Variants in ITGA1 observed in about 807,000 individuals in gnomAD.
ITGA1 encodes integrin alpha-1.
ITGA1 carries 85 observed loss-of-function variants against 145.9 expected under a neutral mutation model. The observed-to-expected ratio is 0.58, with a 90% CI of 0.49 to 0.70. The LOEUF is 0.70. ITGA1 is among the 30% of genes least tolerant of loss of function. The probability of loss-of-function intolerance (pLI) is 0.00; values close to 1 mark genes in which losing one functional copy is unlikely to be tolerated. For missense variants in ITGA1, 1,351 were observed against 1,418.7 expected (o/e 0.95, Z 0.77); for synonymous variants, 520 against 495.3 (o/e 1.05, Z -0.66).
intron 9 of ITGA1, among the ~76,000 whole-genome samples, chr5:52,894,575 C>A (rs1257654923): frequency 1.3e-5 from 2 of 152,094 alleles, no homozygotes; most frequent in Non-Finnish European, 2.9e-5. Context: ...AAGCTTCTTT[C>A]TTCACATTCT....
chr5:52,822,657 C>A (rs1191011396), intron 1 of ITGA1, among the ~76,000 whole-genome samples: 1 of 152,224 alleles, frequency 6.6e-6, no homozygotes, highest in Admixed American at 6.5e-5. Context: ...GTAGCCTCTA[C>A]CCTTGACACT....
At chr5:52,929,734 G>T (rs1016023729) in intron 21 of ITGA1, 33 bp downstream of exon 21, 2 of 1,122,344 alleles carry the variant, frequency 1.8e-6, no homozygotes, top group South Asian at 1.3e-5. Context: ...GTATGTATAT[G>T]AATGTATATT....
At chr5:52,823,742 A>G (rs1410375628) in intron 1 of ITGA1, among the ~76,000 whole-genome samples, 1 of 152,236 alleles carries the variant, frequency 6.6e-6, no homozygotes, top group African/African-American at 2.4e-5. Flanking sequence ...AGAGAGTGCT[A>G]AAATACAGAC....
chr5:52,946,695 G>C (rs1751140103), intron 27 of ITGA1, among the ~76,000 whole-genome samples: 1 of 152,124 alleles, frequency 6.6e-6, no homozygotes, highest in Admixed American at 6.5e-5. Flanking sequence ...CACCCTGAGA[G>C]AGCTTGAGTA....
chr5:52,918,895 G>A lies in ITGA1; in HGVS notation c.2152G>A (p.Ala718Thr), dbSNP rs1266565899. The A allele has an allele frequency of 4.4e-6, 7 of 1,589,190 alleles. No homozygotes were observed. In the South Asian group the frequency reaches 8.2e-5, roughly 19 times the overall value. ...LKSKEDTIYE[A>T]DLQYRVTLDS... Reference sequence around the variant, plus strand: ...GTCTAAAGAAGACACGATTTATGAAGCTGGTAAGCAAAATAATTATAGCAA... The same window carrying A: ...GTCTAAAGAAGACACGATTTATGAAACTGGTAAGCAAAATAATTATAGCAA... The change falls in exon 16 of 29, where the codon GCT becomes ACT. Residue 718 changes from alanine (A) to threonine (T), a missense_variant. Coordinates refer to ENST00000282588, the MANE Select transcript of ITGA1 (RefSeq NM_181501.2).
At chr5:52,951,780 A>C (rs1414722028) in intron 28 of ITGA1, among the ~76,000 whole-genome samples, 2 of 152,206 alleles carry the variant, frequency 1.3e-5, no homozygotes, top group Admixed American at 1.3e-4. Context: ...AAGAAGAGAC[A>C]ATGCTAGCTA....
At chr5:52,883,408 A>T (rs911841152) in intron 7 of ITGA1, among the ~76,000 whole-genome samples, 1 of 152,210 alleles carries the variant, frequency 6.6e-6, no homozygotes, top group Non-Finnish European at 1.5e-5. Context: ...TCTGTGTTTC[A>T]CAAAGGGTAT....
chr5:52,895,651 A>G (rs1218332147), intron 9 of ITGA1, among the ~76,000 whole-genome samples: 1 of 152,108 alleles, frequency 6.6e-6, no homozygotes, highest in Non-Finnish European at 1.5e-5. Flanking sequence ...GGGGAGGGGG[A>G]GATCAATTGC....
chr5:52,930,740 A>G (rs1750882936), intron 21 of ITGA1, among the ~76,000 whole-genome samples: 1 of 152,182 alleles, frequency 6.6e-6, no homozygotes. Context: ...TAGCTTGATT[A>G]AAAAGGTTAT....
chr5:52,856,318 T>C (rs1306183066), intron 2 of ITGA1, among the ~76,000 whole-genome samples: 1 of 152,192 alleles, frequency 6.6e-6, no homozygotes, highest in Non-Finnish European at 1.5e-5. Flanking sequence ...CCTATTAGCA[T>C]GCTGTACAAG....
chr5:52,845,031 A>G (rs1464034231), intron 1 of ITGA1, among the ~76,000 whole-genome samples: 1 of 152,230 alleles, frequency 6.6e-6, no homozygotes, highest in Non-Finnish European at 1.5e-5. Context: ...TCTGATTTAC[A>G]ATCATTTTGG....
intron 1 of ITGA1, among the ~76,000 whole-genome samples, chr5:52,831,621 C>T (rs1561221321): frequency 6.8e-6 from 1 of 146,732 alleles, no homozygotes. Context: ...AGAATTTTTT[C>T]TTTTTTTTTT....
chr5:52,828,170 G>A (rs1240860699), intron 1 of ITGA1, among the ~76,000 whole-genome samples: 1 of 152,132 alleles, frequency 6.6e-6, no homozygotes, highest in Non-Finnish European at 1.5e-5. Context: ...ATATACCTAG[G>A]AATAGAATTG....
intron 22 of ITGA1, chr5:52,933,055 T>C (rs925555228): frequency 6.6e-6 from 1 of 152,086 alleles, no homozygotes; most frequent in Non-Finnish European, 1.5e-5. Flanking sequence ...TTGGAGACGT[T>C]GTGATGCAAG....
chr5:52,912,165 C>A (rs1293224067), intron 14 of ITGA1, among the ~76,000 whole-genome samples: 3 of 130,000 alleles, frequency 2.3e-5, no homozygotes, highest in Admixed American at 8.2e-5. Flanking sequence ...CTATATATAG[C>A]GTATCTAGTA....
chr5:52,945,667 G>A (rs1360082299), intron 27 of ITGA1, among the ~76,000 whole-genome samples: 1 of 152,048 alleles, frequency 6.6e-6, no homozygotes, highest in Non-Finnish European at 1.5e-5. Flanking sequence ...ACACATGCAG[G>A]CACTTCAGCA....
chr5:52,836,493 T>C (rs1346827181), intron 1 of ITGA1, among the ~76,000 whole-genome samples: 1 of 152,188 alleles, frequency 6.6e-6, no homozygotes, highest in Admixed American at 6.5e-5. Context: ...GGTCCCGCCT[T>C]GGAAGTTGAA....
intron 1 of ITGA1, among the ~76,000 whole-genome samples, chr5:52,788,929 C>T (rs1330170817): frequency 6.6e-6 from 1 of 152,122 alleles, no homozygotes; most frequent in African/African-American, 2.4e-5. Flanking sequence ...GAAACTGCCA[C>T]TTGTTCCAAA....
At position 52,958,502 on chromosome 5, in the gene ITGA1, T is replaced by A. The variant is rs918994590; in HGVS notation, c.*6051T>A. 3.9e-5 allele frequency: 6 copies of A among 152,220 alleles called. No individual in the cohort carries two copies. Among genetic ancestry groups the A allele is most frequent in the African/African-American group, 1.4e-4 (6 of 41,468 alleles). The allele number at this position is 152,220 out of a possible 1,614,324, so 9.4% of individuals were successfully genotyped here. A position where few individuals can be genotyped will look rare whatever the true frequency, so the allele number is the denominator to read the frequency against. ...TAATGCAGCAACATCTCAGACCCTC[T>A]TCACTCTAGAACCGTTTTATACAAG... On this transcript the variant is annotated 3_prime_UTR_variant, in exon 29 of 29. Transcript: ENST00000282588.
Sources: gnomAD v4.1 joint callset for allele counts (sites outside exome capture counted in the v4.1 genomes callset) on GRCh38, gnomAD v4.1.1 for gene constraint, MANE v1.5 for transcripts, NCBI Gene and HGNC (gene_info 2026-07-23, HGNC 2026-07-21) for gene names.